The following ME3 variants were observed in gnomAD, a reference collection of about 807,000 sequenced individuals.
ME3 encodes NADP-dependent malic enzyme, mitochondrial.
ME3 carries 48 observed loss-of-function variants against 68.9 expected under a neutral mutation model. The ratio of observed to expected loss-of-function variants is 0.70; its 90% CI spans 0.55 to 0.89. The LOEUF is 0.89. ME3 is among the 40% of genes least tolerant of loss of function. The pLI, the probability that ME3 is intolerant of heterozygous loss-of-function variation, is 0.00. For missense variants in ME3, 675 were observed against 797.4 expected, an observed-to-expected ratio of 0.85 and a Z score of 1.85; for synonymous variants, 320 against 318.8, an observed-to-expected ratio of 1.00 and a Z score of -0.04.
At chr11:86,605,492 C>A (rs1961495351) in intron 2 of ME3, among the ~76,000 whole-genome samples, 1 of 152,148 alleles carries the variant, frequency 6.6e-6, no homozygotes, top group Non-Finnish European at 1.5e-5. Flanking sequence ...AGCTTTGCCA[C>A]CAAAAACTGC....
At chr11:86,530,260 A>T (rs2139261577) in intron 4 of ME3, among the ~76,000 whole-genome samples, 1 of 152,318 alleles carries the variant, frequency 6.6e-6, no homozygotes, top group South Asian at 2.1e-4. Flanking sequence ...TGCTTCAAAG[A>T]GAATAAAATA....
intron 2 of ME3, among the ~76,000 whole-genome samples, chr11:86,637,967 TACAC>T (rs5793205): frequency 0.091 from 13,253 of 144,862 alleles, 868 homozygotes; most frequent in East Asian, 0.19. Context: ...TGCTCATGCA[TACAC>T]ACACACACAC....
intron 4 of ME3, among the ~76,000 whole-genome samples, chr11:86,545,359 G>A (rs1956300050): frequency 6.6e-6 from 1 of 152,176 alleles, no homozygotes; most frequent in Non-Finnish European, 1.5e-5. Context: ...TATTCAAATA[G>A]GATGAGAGGA....
chr11:86,483,245 G>A (rs1197540659), intron 7 of ME3, among the ~76,000 whole-genome samples: 1 of 152,184 alleles, frequency 6.6e-6, no homozygotes, highest in African/African-American at 2.4e-5. Context: ...GAGTAGCAGA[G>A]GAGAGATGGA....
intron 5 of ME3, among the ~76,000 whole-genome samples, chr11:86,500,348 G>C (rs1281536180): frequency 6.6e-6 from 1 of 152,202 alleles, no homozygotes; most frequent in Non-Finnish European, 1.5e-5. Context: ...CACTCTCCCA[G>C]CCTGGACATG....
chr11:86,660,981 G>T (rs890027044), intron 2 of ME3, among the ~76,000 whole-genome samples: 9 of 152,124 alleles, frequency 5.9e-5, no homozygotes, highest in Non-Finnish European at 7.4e-5. Flanking sequence ...TGACAGATGG[G>T]GCTGATGTAT....
At chr11:86,460,392 A>T (rs920824941) in intron 8 of ME3, among the ~76,000 whole-genome samples, 1 of 152,158 alleles carries the variant, frequency 6.6e-6, no homozygotes, top group African/African-American at 2.4e-5. Context: ...TGGTTGGGAG[A>T]CAGTCAAATA....
chr11:86,488,889 G>A (rs1951841667), intron 6 of ME3, among the ~76,000 whole-genome samples: 1 of 152,162 alleles, frequency 6.6e-6, no homozygotes, highest in African/African-American at 2.4e-5. Context: ...GCACAGTGAT[G>A]AGTGAAGAAA....
At chr11:86,463,127 G>A (rs1432223331) in intron 8 of ME3, among the ~76,000 whole-genome samples, 8 of 152,164 alleles carry the variant, frequency 5.3e-5, no homozygotes, top group African/African-American at 1.2e-4. Flanking sequence ...GTTTGGGGGC[G>A]GATGGGCCTG....
Position 86,539,079 on chromosome 11 carries a change from C to T in ME3, c.467+17474G>A, listed in dbSNP as rs191572310. ...GAAGGGCCAAGACTCCCTCAAAGTG[C>T]GTGACCATTTGGAGGAAGATGGATA... On this transcript the variant is annotated intron_variant, in intron 4 of 14. Transcript: ENST00000543262. 1.2e-4 allele frequency among the ~76,000 whole-genome samples: 18 copies of T among 152,216 alleles called. No homozygotes were observed. In the East Asian group the frequency reaches 2.7e-3, roughly 23 times the overall value.
At chr11:86,484,288 A>G (rs532904205) in intron 7 of ME3, among the ~76,000 whole-genome samples, 21 of 152,104 alleles carry the variant, frequency 1.4e-4, no homozygotes, top group African/African-American at 4.6e-4. Flanking sequence ...CTTAAAATAC[A>G]TTGTGTTTGA....
intron 8 of ME3, among the ~76,000 whole-genome samples, chr11:86,452,356 A>G (rs1594015015): frequency 1.3e-5 from 2 of 152,228 alleles, no homozygotes; most frequent in African/African-American, 4.8e-5. Context: ...CTGATAATCA[A>G]AGGGACAGTG....
At chr11:86,449,098 G>A (rs7123773) in intron 10 of ME3, among the ~76,000 whole-genome samples, 106,371 of 152,062 alleles carry the variant, frequency 0.7, 37,594 homozygotes, top group South Asian at 0.82. Flanking sequence ...AGGAAGCTCA[G>A]TTCTGCTGAG....
chr11:86,659,040 A>C (rs900672038), intron 2 of ME3, among the ~76,000 whole-genome samples: 1 of 152,180 alleles, frequency 6.6e-6, no homozygotes, highest in African/African-American at 2.4e-5. Context: ...GGAGAGTATG[A>C]CATGAAGGCT....
chr11:86,669,875 T>A (rs982031346), intron 2 of ME3, among the ~76,000 whole-genome samples: 1 of 152,244 alleles, frequency 6.6e-6, no homozygotes, highest in Non-Finnish European at 1.5e-5. Context: ...CAATAAATGC[T>A]GGTTGGTAAC....
At chr11:86,521,953 A>G (rs1456703333) in intron 4 of ME3, among the ~76,000 whole-genome samples, 1 of 152,132 alleles carries the variant, frequency 6.6e-6, no homozygotes, top group Non-Finnish European at 1.5e-5. Flanking sequence ...GTGGATTGAA[A>G]ATACTAGGAA....
chr11:86,576,873 A>AT (rs1436912831), intron 2 of ME3, among the ~76,000 whole-genome samples: 11 of 152,146 alleles, frequency 7.2e-5, no homozygotes, highest in African/African-American at 2.7e-4. Context: ...GAACCTATGT[A>AT]TTTTTAAATT....
At chr11:86,475,588 T>A (rs1951014389) in intron 7 of ME3, among the ~76,000 whole-genome samples, 1 of 152,110 alleles carries the variant, frequency 6.6e-6, no homozygotes, top group African/African-American at 2.4e-5. Context: ...GGAAATTTCA[T>A]GAATTACATG....
At chr11:86,628,498 A>G (rs1043643414) in intron 2 of ME3, among the ~76,000 whole-genome samples, 7 of 152,232 alleles carry the variant, frequency 4.6e-5, no homozygotes, top group African/African-American at 1.4e-4. Context: ...TTTGTTCAGA[A>G]TCTCTGGAGG....
Sources: gnomAD v4.1 joint callset for allele counts (sites outside exome capture counted in the v4.1 genomes callset) on GRCh38, gnomAD v4.1.1 for gene constraint, MANE v1.5 for transcripts, NCBI Gene and HGNC (gene_info 2026-07-23, HGNC 2026-07-21) for gene names.